GNB1L: variants seen among roughly 807,000 people sequenced by gnomAD.
GNB1L encodes G protein subunit beta 1 like, also known as guanine nucleotide-binding protein subunit beta-like protein 1.
A neutral mutation model predicts 29.1 loss-of-function variants in GNB1L; 20 were observed. The ratio of observed to expected loss-of-function variants is 0.69; its 90% CI spans 0.48 to 1.00. The LOEUF (loss-of-function observed/expected upper bound fraction) is 1.00. Among genes scored for constraint, GNB1L ranks in the 50% least tolerant of loss-of-function variants. The pLI is 0.00. For missense variants in GNB1L, 421 were observed against 464.9 expected, an observed-to-expected ratio of 0.91 and a Z score of 0.87; for synonymous variants, 193 against 206.5, an observed-to-expected ratio of 0.93 and a Z score of 0.56.
intron 7 of GNB1L, among the ~76,000 whole-genome samples, chr22:19,795,103 G>A (rs1458681912): frequency 1.3e-5 from 2 of 152,132 alleles, no homozygotes; most frequent in Admixed American, 6.5e-5. Context: ...TAAGAAAGTC[G>A]ATGCTACTGT....
At position 19,847,483 on chromosome 22, in the gene GNB1L, C is replaced by CT. The variant is rs1220547251; in HGVS notation, c.-21+6959dup. ...GCATGGGCATCATTCTCATTCAACC[C>CT]TTCTAACCACCCCATGAGGAAAAAC... On this transcript the variant is annotated intron_variant, in intron 2 of 7. Transcript: ENST00000329517. 4.1e-6 allele frequency: 4 copies of CT among 985,332 alleles called. No individual in the cohort carries two copies. In the African/African-American group the frequency reaches 7.0e-5, roughly 17 times the overall value. 61.0% of individuals were successfully genotyped at this position (985,332 alleles called of 1,614,324 possible).
At chr22:19,841,749 G>C (rs1937865357) in intron 2 of GNB1L, among the ~76,000 whole-genome samples, 1 of 152,104 alleles carries the variant, frequency 6.6e-6, no homozygotes, top group Admixed American at 6.6e-5. Flanking sequence ...GTGCCCCCTG[G>C]TACAAGCTAG....
intron 2 of GNB1L, among the ~76,000 whole-genome samples, chr22:19,822,074 C>A (rs1294504314): frequency 6.6e-6 from 1 of 152,156 alleles, no homozygotes; most frequent in Non-Finnish European, 1.5e-5. Flanking sequence ...GAGGAGCCTT[C>A]CTCTCACATC....
intron 7 of GNB1L, among the ~76,000 whole-genome samples, chr22:19,796,361 G>A (rs1937306011): frequency 6.6e-6 from 1 of 152,186 alleles, no homozygotes; most frequent in African/African-American, 2.4e-5. Flanking sequence ...AAGAATCAGT[G>A]GACACACGGG....
intron 2 of GNB1L, chr22:19,852,242 C>T (rs780270208): frequency 2.2e-5 from 36 of 1,607,980 alleles, no homozygotes; most frequent in East Asian, 8.9e-5. Context: ...GCCCTGCTGA[C>T]GGCACCGGCC....
At chr22:19,789,066 G>GCCCTCACAT in intron 7 of GNB1L, 106 bp from the exon 8 acceptor site, 1 of 1,257,214 alleles carries the variant, frequency 8.0e-7, no homozygotes. Context: ...AGGCCCACAG[G>GCCCTCACAT]CCCGGGATGT....
intron 2 of GNB1L, among the ~76,000 whole-genome samples, chr22:19,844,493 C>T (rs1569055131): frequency 6.6e-6 from 1 of 152,254 alleles, no homozygotes; most frequent in Non-Finnish European, 1.5e-5. Context: ...CCACAGTCAG[C>T]AGGGGCGCCA....
At chr22:19,847,027 C>A in intron 2 of GNB1L, 1 of 985,484 alleles carries the variant, frequency 1.0e-6, no homozygotes. Context: ...CTGAGCACCC[C>A]AGCCCATAGG....
chr22:19,789,644 T>G (rs1937230345), intron 7 of GNB1L, among the ~76,000 whole-genome samples: 1 of 151,942 alleles, frequency 6.6e-6, no homozygotes, highest in South Asian at 2.1e-4. Flanking sequence ...CACAGACAGG[T>G]CCTACGTGCA....
chr22:19,852,242 C>A (rs780270208), intron 2 of GNB1L: 1 of 1,607,980 alleles, frequency 6.2e-7, no homozygotes, highest in African/African-American at 1.3e-5. Flanking sequence ...GCCCTGCTGA[C>A]GGCACCGGCC....
chr22:19,805,494 G>A (rs561830176), intron 6 of GNB1L, among the ~76,000 whole-genome samples: 2 of 152,360 alleles, frequency 1.3e-5, no homozygotes, highest in East Asian at 3.9e-4. Context: ...GAAAAGGAGG[G>A]TGCCTGGGCC....
At chr22:19,823,524 C>A (rs1001559266) in intron 2 of GNB1L, among the ~76,000 whole-genome samples, 6 of 152,188 alleles carry the variant, frequency 3.9e-5, no homozygotes, top group African/African-American at 1.2e-4. Flanking sequence ...GGCCCAGCTC[C>A]AAGAGGAGCC....
Position 19,840,437 on chromosome 22 carries a change from T to G in GNB1L, c.-21+14006A>C, listed in dbSNP as rs144719909. Among the ~76,000 whole-genome samples, 171 of 152,288 alleles carry G rather than the reference T, an allele frequency of 1.1e-3. 2 individuals carry two copies. In the Middle Eastern group the frequency reaches 0.024, roughly 21 times the overall value. ...CTTTACAGCAGAAACACCTGACAGATACCACCTCCGCCAGGTGATGACGCT... is the reference window on the plus strand; with the variant it reads ...CTTTACAGCAGAAACACCTGACAGAGACCACCTCCGCCAGGTGATGACGCT... On this transcript the variant is annotated intron_variant, in intron 2 of 7. Coordinates refer to ENST00000329517, the MANE Select transcript of GNB1L (RefSeq NM_053004.3).
intron 2 of GNB1L, among the ~76,000 whole-genome samples, chr22:19,829,543 T>A (rs1937651497): frequency 1.3e-5 from 2 of 152,186 alleles, no homozygotes; most frequent in Non-Finnish European, 2.9e-5. Context: ...TTTAAAGCTC[T>A]GATCAGAAGA....
intron 2 of GNB1L, chr22:19,849,385 T>G (rs9618710): frequency 0.14 from 103,332 of 760,302 alleles, 3,968 homozygotes; most frequent in Middle Eastern, 0.17. Flanking sequence ...TTTTTTTTTT[T>G]GGGATGGAGT....
At chr22:19,819,806 C>T (rs779115516) in intron 4 of GNB1L, among the ~76,000 whole-genome samples, 1 of 152,128 alleles carries the variant, frequency 6.6e-6, no homozygotes, top group African/African-American at 2.4e-5. Flanking sequence ...GGGGTAGAAA[C>T]CACAGGAGAC....
intron 2 of GNB1L, chr22:19,847,439 A>G (rs917665770): frequency 1.0e-6 from 1 of 985,322 alleles, no homozygotes; most frequent in Non-Finnish European, 1.2e-6. Flanking sequence ...TAGAGGGCCC[A>G]GACCCCAGCC....
chr22:19,801,828 C>T (rs1291079311), intron 7 of GNB1L, among the ~76,000 whole-genome samples, 173 bp downstream of exon 7: 1 of 152,200 alleles, frequency 6.6e-6, no homozygotes, highest in African/African-American at 2.4e-5. Flanking sequence ...TCTGCCAGCG[C>T]CCACGCCCCC....
At chr22:19,841,499 G>A (rs1362822724) in intron 2 of GNB1L, among the ~76,000 whole-genome samples, 1 of 152,118 alleles carries the variant, frequency 6.6e-6, no homozygotes, top group East Asian at 1.9e-4. Context: ...GCCAGTTATG[G>A]TGGTGCCCGC....
Sources: gnomAD v4.1 joint callset for allele counts (sites outside exome capture counted in the v4.1 genomes callset) on GRCh38, gnomAD v4.1.1 for gene constraint, MANE v1.5 for transcripts, NCBI Gene and HGNC (gene_info 2026-07-23, HGNC 2026-07-21) for gene names.